The following TAFA2 variants were observed in gnomAD, a reference collection of about 807,000 sequenced individuals.
The protein encoded by TAFA2 is chemokine-like protein TAFA-2.
TAFA2 carries 7 observed loss-of-function variants against 18.8 expected under a neutral mutation model. The observed-to-expected ratio is 0.37, with a 90% CI of 0.21 to 0.70. TAFA2 has a LOEUF of 0.70. TAFA2 is among the 30% of genes least tolerant of loss of function. TAFA2 has a pLI of 0.53. For synonymous variants in TAFA2, 60 were observed against 54.2 expected, an observed-to-expected ratio of 1.11 and a Z score of -0.47; for missense variants, 122 against 158.1, an observed-to-expected ratio of 0.77 and a Z score of 1.23.
chr12:61,748,902 A>G (rs1034890706), intron 4 of TAFA2, among the ~76,000 whole-genome samples: 8 of 152,148 alleles, frequency 5.3e-5, no homozygotes, highest in Non-Finnish European at 5.9e-5. Context: ...TATTGTTACA[A>G]TATTACTCTT....
At chr12:61,751,136 A>C (rs532518728) in intron 4 of TAFA2, among the ~76,000 whole-genome samples, 1 of 152,238 alleles carries the variant, frequency 6.6e-6, no homozygotes, top group East Asian at 1.9e-4. Context: ...CACTGTGGGC[A>C]AAGTAACACA....
At chr12:61,811,134 A>G (rs991589813) in intron 2 of TAFA2, among the ~76,000 whole-genome samples, 19 of 151,508 alleles carry the variant, frequency 1.3e-4, no homozygotes, top group African/African-American at 4.4e-4. Context: ...TTTAAACGGC[A>G]ATGTCCACAG....
chr12:61,922,266 A>G (rs349886), intron 1 of TAFA2, among the ~76,000 whole-genome samples: 7,749 of 152,274 alleles, frequency 0.051, 408 homozygotes, highest in African/African-American at 0.14. Flanking sequence ...GAGTCACTGA[A>G]GTTATCTCCT....
rs577514239 is a variant in TAFA2 at position 61,939,508 on chromosome 12, TA to T, written c.-1-72083del. ...AGTTATTCAACATTAAAAATAAAAA[TA>T]AAAAAACCTTGAGTTCTGGCAGTTC... On this transcript the variant is annotated intron_variant, in intron 1 of 4. Coordinates refer to ENST00000416284, the MANE Select transcript of TAFA2 (RefSeq NM_178539.5). Among the ~76,000 whole-genome samples, 119 of 151,402 alleles carry T rather than the reference TA, an allele frequency of 7.9e-4. 2 individuals are homozygous for T. In the South Asian group the frequency reaches 0.013, roughly 16 times the overall value.
At chr12:61,873,695 C>T (rs1874718895) in intron 1 of TAFA2, among the ~76,000 whole-genome samples, 1 of 152,094 alleles carries the variant, frequency 6.6e-6, no homozygotes, top group African/African-American at 2.4e-5. Flanking sequence ...ATACAAATAA[C>T]CTACTAAATA....
chr12:62,134,503 C>T (rs952119522), intron 1 of TAFA2, among the ~76,000 whole-genome samples: 1 of 151,986 alleles, frequency 6.6e-6, no homozygotes, highest in Non-Finnish European at 1.5e-5. Context: ...TGAACTTGGA[C>T]CTTCCAGCCT....
In TAFA2 at chr12:62,114,010, C is replaced by T. The variant is rs112038879; in HGVS notation, c.-2+77249G>A. ...TCCAAGGGAGTGAATGATTCTGTCTCGCTGGCATTCCAGGTGCCACCAGGG... is the reference window on the plus strand; with the variant it reads ...TCCAAGGGAGTGAATGATTCTGTCTTGCTGGCATTCCAGGTGCCACCAGGG... On this transcript the variant is annotated intron_variant, in intron 1 of 4. Coordinates refer to ENST00000416284, the MANE Select transcript of TAFA2 (RefSeq NM_178539.5). Among the ~76,000 whole-genome samples, 176 of 152,278 alleles carry T rather than the reference C, an allele frequency of 1.2e-3. 1 individual carries two copies. Among genetic ancestry groups the T allele is most frequent in the African/African-American group, 4.0e-3 (167 of 41,558 alleles).
intron 2 of TAFA2, among the ~76,000 whole-genome samples, chr12:61,778,440 A>T (rs1870364255): frequency 6.6e-6 from 1 of 151,688 alleles, no homozygotes; most frequent in South Asian, 2.1e-4. Flanking sequence ...AACGCTTGCC[A>T]CCAGTCATGA....
intron 2 of TAFA2, among the ~76,000 whole-genome samples, chr12:61,769,687 G>A (rs374245045): frequency 6.7e-6 from 1 of 150,372 alleles, no homozygotes; most frequent in Non-Finnish European, 1.5e-5. Context: ...CTAGGAGAAG[G>A]GGGAGAGCAC....
chr12:62,098,917 C>A (rs1439842421), intron 1 of TAFA2, among the ~76,000 whole-genome samples: 3 of 152,066 alleles, frequency 2.0e-5, no homozygotes, highest in Admixed American at 1.3e-4. Flanking sequence ...TAATTAGACA[C>A]CTGTGGGAAG....
At chr12:62,050,042 T>C (rs1882010469) in intron 1 of TAFA2, among the ~76,000 whole-genome samples, 1 of 152,194 alleles carries the variant, frequency 6.6e-6, no homozygotes, top group Admixed American at 6.5e-5. Context: ...ACTAGAGCAA[T>C]TGCCCTGTGC....
intron 1 of TAFA2, among the ~76,000 whole-genome samples, chr12:61,996,246 G>A (rs1443369853): frequency 1.3e-5 from 2 of 152,074 alleles, no homozygotes; most frequent in Admixed American, 6.5e-5. Context: ...AGAGTTTAAG[G>A]AACCAATTTA....
intron 1 of TAFA2, among the ~76,000 whole-genome samples, chr12:61,901,908 C>T (rs901258613): frequency 6.6e-6 from 1 of 152,014 alleles, no homozygotes; most frequent in Non-Finnish European, 1.5e-5. Context: ...TTCATGCATA[C>T]ACATCAAATT....
At chr12:62,060,213 A>G (rs1365768830) in intron 1 of TAFA2, among the ~76,000 whole-genome samples, 2 of 152,228 alleles carry the variant, frequency 1.3e-5, no homozygotes, top group African/African-American at 4.8e-5. Flanking sequence ...AAGAAATACA[A>G]GCTTCTACAG....
intron 1 of TAFA2, among the ~76,000 whole-genome samples, chr12:61,950,836 G>C (rs1202658548): frequency 3.9e-5 from 6 of 152,138 alleles, no homozygotes; most frequent in Non-Finnish European, 1.5e-5. Context: ...CCAGTCAATG[G>C]GGATCTAAAA....
At chr12:62,253,403 T>C (rs1387151154) in intron 1 of TAFA2, 1 of 152,240 alleles carries the variant, frequency 6.6e-6, no homozygotes, top group Non-Finnish European at 1.5e-5. Context: ...TACTTATCAC[T>C]GCTATAACAA....
intron 4 of TAFA2, among the ~76,000 whole-genome samples, chr12:61,737,547 T>C (rs1173576117): frequency 6.6e-6 from 1 of 151,710 alleles, no homozygotes; most frequent in African/African-American, 2.4e-5. Flanking sequence ...GGGATTATGC[T>C]CACTTAAATA....
chr12:62,145,921 A>T (rs558377522), intron 1 of TAFA2, among the ~76,000 whole-genome samples: 1 of 152,340 alleles, frequency 6.6e-6, no homozygotes, highest in East Asian at 1.9e-4. Flanking sequence ...GTAGGATACC[A>T]GGAAGGCAGC....
At chr12:62,087,971 G>A (rs555048413) in intron 1 of TAFA2, among the ~76,000 whole-genome samples, 3 of 152,046 alleles carry the variant, frequency 2.0e-5, no homozygotes, top group South Asian at 4.2e-4. Flanking sequence ...TGTTTCCCTG[G>A]GACAGAGCTG....
Sources: gnomAD v4.1 joint callset for allele counts (sites outside exome capture counted in the v4.1 genomes callset) on GRCh38, gnomAD v4.1.1 for gene constraint, MANE v1.5 for transcripts, NCBI Gene and HGNC (gene_info 2026-07-23, HGNC 2026-07-21) for gene names.